CSGALNACT1: variants seen among roughly 807,000 people sequenced by gnomAD.
CSGALNACT1 encodes the protein beta4GalNAcT-1.
CSGALNACT1 carries 52 observed loss-of-function variants against 51.0 expected under a neutral mutation model. The observed-to-expected ratio is 1.02, with a 90% CI of 0.82 to 1.29. The LOEUF is 1.29. Among genes scored for constraint, CSGALNACT1 ranks in the 50% most tolerant of loss-of-function variants. The pLI is 0.00. For synonymous variants in CSGALNACT1, 341 were observed against 254.4 expected, an observed-to-expected ratio of 1.34 and a Z score of -3.24; for missense variants, 935 against 679.2, an observed-to-expected ratio of 1.38 and a Z score of -4.19.
chr8:19,459,433 T>C (rs1373101134), intron 4 of CSGALNACT1, among the ~76,000 whole-genome samples: 1 of 148,466 alleles, frequency 6.7e-6, no homozygotes, highest in African/African-American at 2.5e-5. Context: ...CCATTTCAGA[T>C]GAACTGACCA....
intron 6 of CSGALNACT1, among the ~76,000 whole-genome samples, chr8:19,437,962 T>C (rs751558064): frequency 5.3e-5 from 8 of 152,232 alleles, no homozygotes; most frequent in Non-Finnish European, 1.0e-4. Context: ...TGGAGAAGAA[T>C]GTATTGATAA....
intron 1 of CSGALNACT1, among the ~76,000 whole-genome samples, chr8:19,667,362 G>T (rs1455552404): frequency 6.6e-6 from 1 of 152,160 alleles, no homozygotes; most frequent in Non-Finnish European, 1.5e-5. Flanking sequence ...CTTGAGCCCA[G>T]GAGGTTGAGG....
intron 3 of CSGALNACT1, among the ~76,000 whole-genome samples, chr8:19,549,620 C>T (rs2087416234): frequency 6.6e-6 from 1 of 150,898 alleles, no homozygotes; most frequent in Non-Finnish European, 1.5e-5. Flanking sequence ...CTTTTCTCCC[C>T]ATCAGGAAAC....
chr8:19,690,310 C>T (rs947802057), intron 1 of CSGALNACT1, among the ~76,000 whole-genome samples: 4 of 152,116 alleles, frequency 2.6e-5, no homozygotes, highest in Non-Finnish European at 5.9e-5. Context: ...TTAAAATCTT[C>T]GTTATCCAGA....
At chr8:19,449,242 T>C (rs894672365) in intron 5 of CSGALNACT1, among the ~76,000 whole-genome samples, 1 of 152,154 alleles carries the variant, frequency 6.6e-6, no homozygotes. Context: ...TTCTATTAAG[T>C]CTTCAAAGAG....
At chr8:19,438,671 C>T (rs1190761060) in intron 6 of CSGALNACT1, among the ~76,000 whole-genome samples, 1 of 152,164 alleles carries the variant, frequency 6.6e-6, no homozygotes, top group African/African-American at 2.4e-5. Flanking sequence ...CAGCTGTAGA[C>T]AAAGGCAGCC....
At chr8:19,461,695 C>CT (rs2065464484) in intron 4 of CSGALNACT1, among the ~76,000 whole-genome samples, 2 of 137,288 alleles carry the variant, frequency 1.5e-5, no homozygotes, top group Non-Finnish European at 3.2e-5. Context: ...CCATGGGGGG[C>CT]GTATCCGCAC....
At chr8:19,644,171 A>G (rs914880986) in intron 1 of CSGALNACT1, among the ~76,000 whole-genome samples, 5 of 152,124 alleles carry the variant, frequency 3.3e-5, no homozygotes, top group Non-Finnish European at 7.4e-5. Context: ...AAGTTTGCCA[A>G]TATGTGTGCA....
At position 19,667,017 on chromosome 8, in the gene CSGALNACT1, AAGGAAGGAAGGAAGGAAGGAAGG is replaced by A. The variant is rs1276550896; in HGVS notation, c.-544+15433_-544+15455del. Among the ~76,000 whole-genome samples the A allele has an allele frequency of 1.6e-3, 60 of 36,678 alleles. 6 individuals carry two copies. Among genetic ancestry groups the A allele is most frequent in the African/African-American group, 5.6e-3 (36 of 6,410 alleles). 24.1% of individuals were successfully genotyped at this position (36,678 alleles called of 152,430 possible). ...AAAGAAAGAAAGAAAGAAAGAAAGA[AAGGAAGGAAGGAAGGAAGGAAGG>A]AAGAAAGAAAGAAAGAAAGAAAGAA... On this transcript the variant is annotated intron_variant, in intron 1 of 9. Transcript: ENST00000332246.
At chr8:19,610,843 G>A (rs1486215750) in intron 1 of CSGALNACT1, among the ~76,000 whole-genome samples, 1 of 152,244 alleles carries the variant, frequency 6.6e-6, no homozygotes, top group African/African-American at 2.4e-5. Context: ...CAAGGTGGAG[G>A]ATCTAACCGA....
At chr8:19,667,040 G>GAAGAAAGAAAGAAAGAAAGAAAGA (rs1177939899) in intron 1 of CSGALNACT1, among the ~76,000 whole-genome samples, 2 of 34,968 alleles carry the variant, frequency 5.7e-5, no homozygotes, top group East Asian at 1.8e-3. Flanking sequence ...AGGAAGGAAG[G>GAAGAAAGAAAGAAAGAAAGAAAGA]AAGAAAGAAA....
chr8:19,747,282 A>C (rs867465301), intron 1 of CSGALNACT1, among the ~76,000 whole-genome samples: 6 of 152,184 alleles, frequency 3.9e-5, no homozygotes, highest in Middle Eastern at 3.4e-3. Flanking sequence ...GGTATTTCCA[A>C]CTTCATTTTC....
intron 8 of CSGALNACT1, among the ~76,000 whole-genome samples, chr8:19,414,185 G>A (rs1454616098): frequency 6.6e-6 from 1 of 152,184 alleles, no homozygotes; most frequent in African/African-American, 2.4e-5. Context: ...AGAGCAGGTT[G>A]TTAAATATTT....
Position 19,757,282 on chromosome 8 carries a change from C to A in CSGALNACT1, c.-297+568G>T. On this transcript the variant is annotated intron_variant, in intron 1 of 1. Transcript: ENST00000517494. This position sits in a 1 kb window ranked among gnomAD's most constrained non-coding sequence, Gnocchi z 4.0. ...GGCCGCCGCGGACTCGGCTCCACCT[C>A]CCGCTCCGGCAGCCGCGGAGCCTCC... 1 of 150,468 alleles carries A rather than the reference C, an allele frequency of 6.6e-6. No individual in the cohort carries two copies. Among genetic ancestry groups the A allele is most frequent in the South Asian group, 1.8e-4 (1 of 5,540 alleles). 9.3% of individuals were successfully genotyped at this position (150,468 alleles called of 1,614,324 possible). A position where few individuals can be genotyped will look rare whatever the true frequency, so the allele number is the denominator to read the frequency against.
intron 1 of CSGALNACT1, among the ~76,000 whole-genome samples, chr8:19,628,174 A>C (rs752528173): frequency 1.2e-4 from 19 of 152,218 alleles, no homozygotes; most frequent in Non-Finnish European, 2.1e-4. Flanking sequence ...CACTGCTATA[A>C]AGATACTACC....
chr8:19,456,993 C>T (rs1366964674), intron 5 of CSGALNACT1, among the ~76,000 whole-genome samples: 1 of 152,098 alleles, frequency 6.6e-6, no homozygotes, highest in Non-Finnish European at 1.5e-5. Flanking sequence ...ACATGGAAGC[C>T]GACTTCAGGC....
chr8:19,459,948 C>G (rs895939925), intron 4 of CSGALNACT1, among the ~76,000 whole-genome samples: 2 of 152,134 alleles, frequency 1.3e-5, no homozygotes, highest in Non-Finnish European at 2.9e-5. Context: ...GATATGAACT[C>G]AGCATCTCAG....
At chr8:19,615,316 A>T (rs2052849709) in intron 1 of CSGALNACT1, among the ~76,000 whole-genome samples, 1 of 152,182 alleles carries the variant, frequency 6.6e-6, no homozygotes, top group Non-Finnish European at 1.5e-5. Context: ...CAATCAACTG[A>T]TAAATAACGA....
intron 1 of CSGALNACT1, among the ~76,000 whole-genome samples, chr8:19,689,287 G>C (rs1272509105): frequency 6.6e-6 from 1 of 152,118 alleles, no homozygotes; most frequent in East Asian, 1.9e-4. Flanking sequence ...GCAGCCCATG[G>C]CGTGTTCTAC....
Sources: allele counts gnomAD v4.1 joint callset (sites outside exome capture counted in the v4.1 genomes callset), GRCh38; gene constraint gnomAD v4.1.1; non-coding constraint Gnocchi (gnomAD v3.1); transcripts MANE v1.5; gene names NCBI Gene and HGNC (gene_info 2026-07-23, HGNC 2026-07-21).